Variants in CEP295 observed in about 807,000 individuals in gnomAD.
CEP295 encodes the protein centrosomal protein 295, also known as centrosomal protein of 295 kDa.
In CEP295, 190 loss-of-function variants were observed where a neutral mutation model predicts 291.6. The observed-to-expected ratio is 0.65, with a 90% confidence interval of 0.58 to 0.73. CEP295 has a LOEUF of 0.73. CEP295 is among the 30% of genes least tolerant of loss of function. The probability of loss-of-function intolerance (pLI) is 0.00; values close to 1 mark genes in which losing one functional copy is unlikely to be tolerated. For missense variants in CEP295, 2,863 were observed against 2,949.4 expected, an observed-to-expected ratio of 0.97 and a Z score of 0.68; for synonymous variants, 993 against 1,038.8, an observed-to-expected ratio of 0.96 and a Z score of 0.85.
chr11:93,714,262 C>CT (rs1045434756), intron 18 of CEP295, among the ~76,000 whole-genome samples: 3 of 152,010 alleles, frequency 2.0e-5, no homozygotes, highest in African/African-American at 7.2e-5. Context: ...TCTTTCTTTT[C>CT]TTTTTTTGAG....
At chr11:93,684,293 A>C (rs1951117972) in intron 9 of CEP295, among the ~76,000 whole-genome samples, 165 bp downstream of exon 9, 1 of 152,226 alleles carries the variant, frequency 6.6e-6, no homozygotes, top group Non-Finnish European at 1.5e-5. Context: ...TCCATCATTG[A>C]CGATCCTTTT....
chr11:93,699,334 G>A lies in CEP295; in HGVS notation c.4422G>A (p.Glu1474=), dbSNP rs1189771769. ...AGACAGATTTCCTTCCTTCTATTGA[G>A]AAAACCCAGAAAGAATTGGTTTTGT... ...HAQTDFLPSI[E]KTQKELVLSK... is the part of the protein sequence containing the mutation. The change falls in exon 15 of 30, where the codon GAG becomes GAA. Residue 1474 remains glutamate, a synonymous_variant. Transcript: ENST00000325212. 1.3e-6 allele frequency: 2 copies of A among 1,551,974 alleles called. No homozygotes were observed. Among genetic ancestry groups the A allele is most frequent in the Admixed American group, 3.9e-5 (2 of 50,990 alleles).
At chr11:93,694,260 C>T (rs1163087662) in intron 12 of CEP295, among the ~76,000 whole-genome samples, 1 of 152,160 alleles carries the variant, frequency 6.6e-6, no homozygotes, top group Non-Finnish European at 1.5e-5. Context: ...TTATCAGGGA[C>T]TGTAGAGTAG....
intron 6 of CEP295, among the ~76,000 whole-genome samples, chr11:93,677,525 C>T (rs573597246): frequency 2.0e-5 from 3 of 152,250 alleles, no homozygotes; most frequent in Non-Finnish European, 2.9e-5. Flanking sequence ...TTGCTACATT[C>T]GCTACCTCTA....
At chr11:93,718,223 A>G (rs761911931) in intron 18 of CEP295, among the ~76,000 whole-genome samples, 1 of 152,112 alleles carries the variant, frequency 6.6e-6, no homozygotes, top group Non-Finnish European at 1.5e-5. Flanking sequence ...GATTGTTTCT[A>G]TTTTAGAAAG....
intron 18 of CEP295, among the ~76,000 whole-genome samples, chr11:93,716,599 G>A (rs1953260172): frequency 6.6e-6 from 1 of 152,230 alleles, no homozygotes; most frequent in African/African-American, 2.4e-5. Context: ...AACGTCTAAA[G>A]ACTGGGCGCA....
At position 93,725,770 on chromosome 11, in the gene CEP295, A is replaced by G. The variant is rs761592517; in HGVS notation, c.6438A>G (p.Gln2146=). 5.8e-6 allele frequency: 9 copies of G among 1,551,714 alleles called. No homozygotes were observed. Among genetic ancestry groups the G allele is most frequent in the Admixed American group, 2.0e-5 (1 of 50,980 alleles). ...CTCTTAACACAAGTCCGAATCAACA[A>G]CCTGACACTAACTTGGCTCATGTTG... The part of the protein sequence containing the change: ...HSSLNTSPNQ[Q]PDTNLAHVGA... Residue 2146 remains glutamine, a synonymous_variant, in exon 23 of 30, where the codon CAA becomes CAG. Coordinates refer to ENST00000325212, the MANE Select transcript of CEP295 (RefSeq NM_033395.2).
chr11:93,665,281 G>C (rs1446020373), intron 1 of CEP295, among the ~76,000 whole-genome samples: 1 of 152,240 alleles, frequency 6.6e-6, no homozygotes, highest in Non-Finnish European at 1.5e-5. Flanking sequence ...AGAATTACCT[G>C]AGGAGGGTAT....
chr11:93,688,127 T>C (rs1951337752), intron 10 of CEP295, among the ~76,000 whole-genome samples: 1 of 152,176 alleles, frequency 6.6e-6, no homozygotes, highest in Admixed American at 6.5e-5. Flanking sequence ...GTTCAGGCTG[T>C]TTTCTAATTT....
At chr11:93,665,883 T>C (rs1359593119) in intron 1 of CEP295, among the ~76,000 whole-genome samples, 1 of 152,222 alleles carries the variant, frequency 6.6e-6, no homozygotes, top group Admixed American at 6.5e-5. Flanking sequence ...TTATATGCAG[T>C]AGACTGGGAG....
chr11:93,662,220 G>T (rs550988542), intron 1 of CEP295, among the ~76,000 whole-genome samples: 45 of 152,314 alleles, frequency 3.0e-4, no homozygotes, highest in African/African-American at 9.9e-4. Context: ...ATTCAATCCT[G>T]TCACAAACTC....
Position 93,727,560 on chromosome 11 carries a change from A to G in CEP295, c.7084A>G (p.Lys2362Glu). Residue 2362 changes from lysine to glutamate, a missense_variant, in exon 24 of 30, where the codon AAA (lysine) becomes GAA (glutamate). By Grantham distance (56) the Lys-to-Glu change is moderately conservative (BLOSUM62 1). This residue lies in a region of CEP295 where 2,295 missense variants were observed against 2,335.7 expected (regional missense o/e 0.98). Transcript: ENST00000325212. The stretch of plus-strand genomic sequence containing the variant: ...AACAGACATTCCAAAAATCACCAAA[A>G]AACTATCTCAACTAGGAGAATCAGA... Reference protein sequence around the residue: ...AETDIPKITKKLSQLGESELF... With the variant: ...AETDIPKITKELSQLGESELF... 4.5e-6 allele frequency: 7 copies of G among 1,551,576 alleles called. No homozygotes were observed. The highest frequency in any genetic ancestry group is 2.4e-5 in the East Asian group (1 of 40,890).
At chr11:93,701,586 T>G (rs1399736936) in intron 15 of CEP295, among the ~76,000 whole-genome samples, 3 of 151,988 alleles carry the variant, frequency 2.0e-5, no homozygotes, top group South Asian at 2.1e-4. Context: ...CTAAGTTTTT[T>G]TTTGTTTGTT....
chr11:93,720,925 A>G (rs1953667297), intron 18 of CEP295, among the ~76,000 whole-genome samples: 1 of 152,062 alleles, frequency 6.6e-6, no homozygotes, highest in Non-Finnish European at 1.5e-5. Context: ...TCTCTTTTAT[A>G]TGCATGTTTT....
chr11:93,703,570 C>G (rs900629746), intron 17 of CEP295, among the ~76,000 whole-genome samples: 3 of 151,054 alleles, frequency 2.0e-5, no homozygotes, highest in African/African-American at 7.3e-5. Context: ...TTAGGATACA[C>G]TCAGGTTTTT....
intron 9 of CEP295, among the ~76,000 whole-genome samples, chr11:93,686,305 G>A (rs1009097533): frequency 4.6e-5 from 6 of 131,088 alleles, no homozygotes; most frequent in Admixed American, 8.3e-5. Flanking sequence ...GGCAACAAGA[G>A]TGAAACTCCA....
intron 15 of CEP295, among the ~76,000 whole-genome samples, chr11:93,700,668 G>C (rs764737351): frequency 1.3e-5 from 2 of 151,820 alleles, no homozygotes; most frequent in Non-Finnish European, 2.9e-5. Context: ...GGGATTACAG[G>C]TGTGAGCCAC....
intron 10 of CEP295, among the ~76,000 whole-genome samples, chr11:93,689,036 C>T (rs1330886330): frequency 6.6e-6 from 1 of 152,128 alleles, no homozygotes; most frequent in Non-Finnish European, 1.5e-5. Flanking sequence ...TTAGCTGATC[C>T]AGTTGGTCCT....
intron 1 of CEP295, among the ~76,000 whole-genome samples, chr11:93,664,476 G>A (rs1193262738): frequency 2.0e-5 from 3 of 152,212 alleles, no homozygotes; most frequent in African/African-American, 7.2e-5. Context: ...CCAAAGCCGT[G>A]TGAATATTAG....
Sources: gnomAD v4.1 joint callset for allele counts (sites outside exome capture counted in the v4.1 genomes callset) on GRCh38, gnomAD v4.1.1 for gene constraint, gnomAD v4.1.1 regional missense constraint, MANE v1.5 for transcripts, NCBI Gene and HGNC (gene_info 2026-07-23, HGNC 2026-07-21) for gene names.